The following SOX5 variants were observed in gnomAD, a reference collection of about 807,000 sequenced individuals.
The protein encoded by SOX5 is transcription factor SOX-5.
A neutral mutation model predicts 92.0 loss-of-function variants in SOX5; 9 were observed. The observed-to-expected ratio is 0.10, with a 90% CI of 0.06 to 0.17. The LOEUF (loss-of-function observed/expected upper bound fraction) is 0.17. Among genes scored for constraint, SOX5 ranks in the 10% least tolerant of loss-of-function variants. The pLI is 1.00. For missense variants in SOX5, 642 were observed against 944.5 expected (o/e 0.68, Z 4.20); for synonymous variants, 344 against 336.3 (o/e 1.02, Z -0.25).
chr12:23,652,375 T>A (rs1282059556), intron 7 of SOX5, among the ~76,000 whole-genome samples: 1 of 152,100 alleles, frequency 6.6e-6, no homozygotes, highest in Non-Finnish European at 1.5e-5. Context: ...ATATTGGTAT[T>A]CCTTGGCGTC....
At chr12:23,850,358 G>C (rs1365620299) in intron 2 of SOX5, among the ~76,000 whole-genome samples, 4 of 151,446 alleles carry the variant, frequency 2.6e-5, no homozygotes, top group African/African-American at 7.3e-5. Context: ...GAACTCACAA[G>C]GTGGAGATTG....
At chr12:23,901,004 C>T (rs2097224737) in intron 1 of SOX5, among the ~76,000 whole-genome samples, 2 of 152,008 alleles carry the variant, frequency 1.3e-5, no homozygotes, top group Admixed American at 6.6e-5. Flanking sequence ...ATAATGCTCC[C>T]CAAACCAAGA....
chr12:23,828,360 A>C (rs2096265252), intron 3 of SOX5, among the ~76,000 whole-genome samples: 2 of 152,192 alleles, frequency 1.3e-5, no homozygotes, highest in African/African-American at 4.8e-5. Flanking sequence ...ATGTGTATAA[A>C]ATTCAGATCT....
intron 1 of SOX5, among the ~76,000 whole-genome samples, chr12:24,408,372 G>C (rs946845774): frequency 6.6e-6 from 1 of 151,994 alleles, no homozygotes; most frequent in African/African-American, 2.4e-5. Context: ...AAAAAACACA[G>C]AGAGATCCTG....
At chr12:24,229,316 G>C (rs528858059) in intron 3 of SOX5, among the ~76,000 whole-genome samples, 146 of 152,306 alleles carry the variant, frequency 9.6e-4, no homozygotes, top group Middle Eastern at 3.4e-3. Flanking sequence ...GATTCTCATT[G>C]CCAAGTGTCG....
intron 2 of SOX5, among the ~76,000 whole-genome samples, chr12:23,848,669 A>C (rs2096599946): frequency 6.6e-6 from 1 of 152,174 alleles, no homozygotes; most frequent in Non-Finnish European, 1.5e-5. Flanking sequence ...TCATACATGA[A>C]GTAATGATTC....
chr12:23,812,080 T>C (rs2095884437), intron 3 of SOX5, among the ~76,000 whole-genome samples: 1 of 152,120 alleles, frequency 6.6e-6, no homozygotes, highest in Non-Finnish European at 1.5e-5. Context: ...TGGGATATTT[T>C]TAAATCTTGA....
At chr12:24,063,825 G>T (rs1447262560) in intron 4 of SOX5, among the ~76,000 whole-genome samples, 3 of 152,164 alleles carry the variant, frequency 2.0e-5, no homozygotes, top group African/African-American at 7.2e-5. Flanking sequence ...TGTACGTTTA[G>T]CCTACTTAAT....
chr12:23,867,397 T>C (rs1372395224), intron 2 of SOX5, among the ~76,000 whole-genome samples: 1 of 152,166 alleles, frequency 6.6e-6, no homozygotes, highest in Non-Finnish European at 1.5e-5. Flanking sequence ...ATCACACTTT[T>C]GATCTTAGGC....
At chr12:24,044,519 T>C (rs1183701482) in intron 4 of SOX5, among the ~76,000 whole-genome samples, 1 of 152,244 alleles carries the variant, frequency 6.6e-6, no homozygotes, top group Admixed American at 6.5e-5. Flanking sequence ...TATGGCATTA[T>C]GTTGGCAGAG....
intron 4 of SOX5, among the ~76,000 whole-genome samples, chr12:24,201,251 G>A (rs771695219): frequency 7.9e-5 from 12 of 151,946 alleles, no homozygotes; most frequent in African/African-American, 2.9e-4. Context: ...CATGTTGTGC[G>A]CTCATGTGGA....
chr12:24,362,568 AG>A (rs1398193093), intron 2 of SOX5, among the ~76,000 whole-genome samples: 1 of 152,196 alleles, frequency 6.6e-6, no homozygotes, highest in Non-Finnish European at 1.5e-5. Flanking sequence ...CTATCAGAAT[AG>A]ACACTATAAA....
chr12:24,435,728 T>C (rs1566157339), intron 1 of SOX5, among the ~76,000 whole-genome samples: 1 of 152,096 alleles, frequency 6.6e-6, no homozygotes, highest in Non-Finnish European at 1.5e-5. Flanking sequence ...TTTATTGCAT[T>C]TCACTTTATT....
intron 3 of SOX5, among the ~76,000 whole-genome samples, chr12:24,242,398 C>A (rs1965705045): frequency 1.3e-5 from 2 of 152,078 alleles, no homozygotes. Flanking sequence ...TGTTCATTTC[C>A]CCACTAAAGC....
chr12:23,799,312 C>T (rs2095620704), intron 3 of SOX5, among the ~76,000 whole-genome samples: 1 of 151,946 alleles, frequency 6.6e-6, no homozygotes, highest in South Asian at 2.1e-4. Context: ...AGAGTCAGCA[C>T]CTTCCTTCTA....
chr12:23,861,796 G>T (rs2096759790), intron 2 of SOX5, among the ~76,000 whole-genome samples: 1 of 152,096 alleles, frequency 6.6e-6, no homozygotes, highest in African/African-American at 2.4e-5. Flanking sequence ...GCTTTGAGGT[G>T]ATTCACATTT....
chr12:24,291,622 A>G (rs929071176), intron 2 of SOX5, among the ~76,000 whole-genome samples: 1 of 152,266 alleles, frequency 6.6e-6, no homozygotes, highest in African/African-American at 2.4e-5. Context: ...CATGCTCAAT[A>G]AAGATTTGAG....
intron 4 of SOX5, among the ~76,000 whole-genome samples, chr12:23,752,301 A>G (rs567231639): frequency 6.6e-6 from 1 of 151,994 alleles, no homozygotes; most frequent in South Asian, 2.1e-4. Context: ...GCAGGTAGAG[A>G]AACTGGTCTA....
At chr12:23,572,456 GAA>G (rs11350064) in intron 10 of SOX5, among the ~76,000 whole-genome samples, 30 of 148,800 alleles carry the variant, frequency 2.0e-4, no homozygotes, top group Admixed American at 2.7e-4. Flanking sequence ...GGACTTTTCA[GAA>G]AAAAAAAAAA....
Sources: gnomAD v4.1 joint callset for allele counts (sites outside exome capture counted in the v4.1 genomes callset) on GRCh38, gnomAD v4.1.1 for gene constraint, MANE v1.5 for transcripts, NCBI Gene and HGNC (gene_info 2026-07-23, HGNC 2026-07-21) for gene names.